The following SULT2B1 variants were observed in gnomAD, a reference collection of about 807,000 sequenced individuals.
SULT2B1 encodes sulfotransferase 2B1.
In SULT2B1, 16 loss-of-function variants were observed where a neutral mutation model predicts 33.2. The ratio of observed to expected loss-of-function variants is 0.48; its 90% CI spans 0.33 to 0.73. The LOEUF (loss-of-function observed/expected upper bound fraction) is 0.73, where lower values mean the gene tolerates loss of function less well. SULT2B1 is among the 30% of genes least tolerant of loss of function. The probability of loss-of-function intolerance (pLI) is 0.02; values close to 1 mark genes in which losing one functional copy is unlikely to be tolerated. For synonymous variants in SULT2B1, 186 were observed against 200.5 expected (o/e 0.93, Z 0.61); for missense variants, 500 against 506.0 (o/e 0.99, Z 0.11).
chr19:48,572,472 C>T (rs888735311), intron 1 of SULT2B1, among the ~76,000 whole-genome samples: 3 of 151,808 alleles, frequency 2.0e-5, no homozygotes, highest in African/African-American at 7.3e-5. Flanking sequence ...TGAGATCACA[C>T]CACTACACTA....
chr19:48,573,105 C>T (rs1273175484), intron 1 of SULT2B1, among the ~76,000 whole-genome samples: 3 of 150,330 alleles, frequency 2.0e-5, no homozygotes, highest in African/African-American at 7.4e-5. Flanking sequence ...TGCAGTGAGC[C>T]GAGATCGTGT....
intron 4 of SULT2B1, 98 bp downstream of exon 4, chr19:48,591,833 CAG>C (rs1198946285): frequency 1.4e-5 from 20 of 1,381,420 alleles, no homozygotes; most frequent in Middle Eastern, 2.0e-4. Context: ...GGGAGAGAGA[CAG>C]AGACACAGGG....
At chr19:48,567,340 G>A (rs1296184691) in intron 1 of SULT2B1, among the ~76,000 whole-genome samples, 1 of 151,822 alleles carries the variant, frequency 6.6e-6, no homozygotes, top group Non-Finnish European at 1.5e-5. Flanking sequence ...GAGGCGGGCA[G>A]ATCACGAGGT....
intron 5 of SULT2B1, among the ~76,000 whole-genome samples, chr19:48,595,589 A>C (rs559732292): frequency 6.6e-6 from 1 of 151,122 alleles, no homozygotes; most frequent in Non-Finnish European, 1.5e-5. Context: ...GGGAATGGTG[A>C]GTCCCAGAAG....
intron 5 of SULT2B1, 73 bp from the exon 6 acceptor site, chr19:48,596,666 G>A: frequency 6.2e-6 from 9 of 1,456,006 alleles, no homozygotes; most frequent in Non-Finnish European, 8.2e-6. Context: ...ACCCAGACAT[G>A]CGGATCCCAG....
chr19:48,589,151 G>C (rs1478851216), intron 3 of SULT2B1, among the ~76,000 whole-genome samples: 1 of 152,222 alleles, frequency 6.6e-6, no homozygotes, highest in African/African-American at 2.4e-5. Context: ...CCAGGGGAGG[G>C]GACGGTGGCT....
At position 48,577,128 on chromosome 19, in the gene SULT2B1, G is replaced by A. The variant is rs184852707; in HGVS notation, c.214+1045G>A. ...AGCTCACTGTAACCTCTGCCTCCTG[G>A]GTTCAAGCAATTCTCTGCCTCAGCC... On this transcript the variant is annotated intron_variant, in intron 2 of 6. Coordinates refer to ENST00000201586, the MANE Select transcript of SULT2B1 (RefSeq NM_177973.2). Among the ~76,000 whole-genome samples, 117 of 144,494 alleles carry A rather than the reference G, an allele frequency of 8.1e-4. 2 individuals are homozygous for A. In the East Asian group the frequency reaches 0.019, roughly 23 times the overall value. 94.8% of individuals were successfully genotyped at this position (144,494 alleles called of 152,430 possible).
At chr19:48,566,952 G>A (rs139150101) in intron 1 of SULT2B1, among the ~76,000 whole-genome samples, 102 of 152,060 alleles carry the variant, frequency 6.7e-4, no homozygotes, top group African/African-American at 2.2e-3. Context: ...GCAGTGAGCC[G>A]TGATTGTGTC....
At chr19:48,583,845 G>A (rs565880307) in intron 2 of SULT2B1, among the ~76,000 whole-genome samples, 2 of 151,300 alleles carry the variant, frequency 1.3e-5, no homozygotes, top group Admixed American at 1.3e-4. Flanking sequence ...CAGGCACAGT[G>A]GCTTACGCCT....
At chr19:48,571,678 T>G (rs1007910746) in intron 1 of SULT2B1, among the ~76,000 whole-genome samples, 3 of 130,528 alleles carry the variant, frequency 2.3e-5, no homozygotes, top group African/African-American at 9.1e-5. Flanking sequence ...CCCAGGCTCA[T>G]GGAGCTTACA....
intron 1 of SULT2B1, among the ~76,000 whole-genome samples, chr19:48,570,712 T>TTCTCTG (rs1973310832): frequency 2.4e-5 from 2 of 84,900 alleles, no homozygotes; most frequent in South Asian, 7.9e-4. Flanking sequence ...CTGGTTTTTG[T>TTCTCTG]TTTCCGTTTT....
At chr19:48,586,630 G>A (rs1180530308) in intron 2 of SULT2B1, among the ~76,000 whole-genome samples, 1 of 152,190 alleles carries the variant, frequency 6.6e-6, no homozygotes, top group Admixed American at 6.6e-5. Context: ...GCAGAAAAAT[G>A]AAATGGGGTT....
In SULT2B1 at chr19:48,576,013, C is replaced by A; in HGVS notation, c.144C>A (p.Ser48Arg). 1.2e-6 allele frequency: 2 copies of A among 1,614,006 alleles called. No individual in the cohort carries two copies. The highest frequency in any genetic ancestry group is 1.7e-6 in the Non-Finnish European group (2 of 1,179,986). The change falls in exon 2 of 7, where the codon AGC becomes AGA. Residue 48 changes from serine (S) to arginine (R), a missense_variant. Transcript: ENST00000201586. ...CCGTCGGCCTGTACTCGCTCGAGAGCATCAGCTTGGCGGAGAACACCCAAG... is the reference window on the plus strand; with the variant it reads ...CCGTCGGCCTGTACTCGCTCGAGAGAATCAGCTTGGCGGAGAACACCCAAG... Reference protein sequence around the residue: ...PFPVGLYSLESISLAENTQDV... With the variant: ...PFPVGLYSLERISLAENTQDV...
intron 1 of SULT2B1, among the ~76,000 whole-genome samples, chr19:48,553,704 C>T (rs1393186653): frequency 2.6e-5 from 4 of 152,154 alleles, no homozygotes; most frequent in Non-Finnish European, 5.9e-5. Context: ...GCCTGGGACT[C>T]CAGAGACAGG....
chr19:48,597,675 C>T (rs1478091285), intron 6 of SULT2B1, among the ~76,000 whole-genome samples: 1 of 110,268 alleles, frequency 9.1e-6, no homozygotes, highest in Non-Finnish European at 1.8e-5. Context: ...CGGAGTTTCA[C>T]TCTTGTTGCC....
At chr19:48,577,382 T>TTTTTTA (rs1163610936) in intron 2 of SULT2B1, among the ~76,000 whole-genome samples, 1 of 132,442 alleles carries the variant, frequency 7.6e-6, no homozygotes, top group African/African-American at 3.0e-5. Flanking sequence ...TTTTTTTTTT[T>TTTTTTA]AGAGACAGAG....
intron 1 of SULT2B1, among the ~76,000 whole-genome samples, chr19:48,554,512 T>TC (rs1198880013): frequency 8.2e-6 from 1 of 122,174 alleles, no homozygotes; most frequent in Non-Finnish European, 1.7e-5. Flanking sequence ...CCTCCTCATC[T>TC]CCCCCCAACC....
rs150559334 is a variant in SULT2B1 at position 48,591,653 on chromosome 19, C to G, written c.468C>G (p.Leu156=). The change falls in exon 4 of 7, where the codon CTC becomes CTG. Residue 156 remains leucine, a synonymous_variant. Transcript: ENST00000201586. The stretch of plus-strand genomic sequence containing the variant: ...ACCCCCGGGACGTTGTGGTCTCCCT[C>G]TATCATTACTCCAAGATCGCCGGGC... ...GRNPRDVVVS[L]YHYSKIAGQL... 6.8e-6 allele frequency: 11 copies of G among 1,613,630 alleles called. No homozygotes were observed. The African/African-American group carries it at 1.5e-4, about 22-fold the overall frequency.
chr19:48,596,732 C>T lies in SULT2B1; in HGVS notation c.646-7C>T. On this transcript the variant is annotated splice_region_variant and splice_polypyrimidine_tract_variant and intron_variant, in intron 5 of 6. Transcript: ENST00000201586. Reference sequence around the variant, plus strand: ...TCCCTCCGCTGACCCCTCTCCCCTGCCTGCAGGACTTACAGGGCTCCGTGG... The same window carrying T: ...TCCCTCCGCTGACCCCTCTCCCCTGTCTGCAGGACTTACAGGGCTCCGTGG... 1 of 1,598,866 alleles carries T rather than the reference C, an allele frequency of 6.3e-7. No homozygotes were observed.
Sources: allele counts gnomAD v4.1 joint callset (sites outside exome capture counted in the v4.1 genomes callset), GRCh38; gene constraint gnomAD v4.1.1; transcripts MANE v1.5; gene names NCBI Gene and HGNC (gene_info 2026-07-23, HGNC 2026-07-21).